Variants in SMAP1 observed in about 807,000 individuals in gnomAD.
SMAP1 encodes small ArfGAP 1.
SMAP1 carries 24 observed loss-of-function variants against 58.5 expected under a neutral mutation model. That is an observed-to-expected ratio of 0.41 (90% CI 0.30 to 0.58). SMAP1 has a LOEUF of 0.58. Ranked by LOEUF, SMAP1 falls within the 20% of genes least tolerant of loss-of-function variation. The probability of loss-of-function intolerance (pLI) is 0.29; values close to 1 mark genes in which losing one functional copy is unlikely to be tolerated. For synonymous variants in SMAP1, 216 were observed against 196.6 expected, an observed-to-expected ratio of 1.10 and a Z score of -0.82; for missense variants, 563 against 566.3, an observed-to-expected ratio of 0.99 and a Z score of 0.06.
chr6:70,737,008 G>A (rs1308443355), intron 2 of SMAP1, among the ~76,000 whole-genome samples: 1 of 152,164 alleles, frequency 6.6e-6, no homozygotes, highest in African/African-American at 2.4e-5. Flanking sequence ...TTCATCATTT[G>A]TCTTTGACCT....
At chr6:70,676,309 C>T (rs1355639784) in intron 1 of SMAP1, among the ~76,000 whole-genome samples, 1 of 152,136 alleles carries the variant, frequency 6.6e-6, no homozygotes, top group Admixed American at 6.6e-5. Context: ...ATATTTTCTT[C>T]CAGTATATTA....
intron 2 of SMAP1, among the ~76,000 whole-genome samples, chr6:70,751,747 GCTAAGTA>G (rs1052123445): frequency 1.3e-5 from 2 of 152,120 alleles, no homozygotes; most frequent in African/African-American, 4.8e-5. Flanking sequence ...TCAAAATGAT[GCTAAGTA>G]CTAAGTATTA....
chr6:70,712,797 CTT>C (rs576020234), intron 1 of SMAP1, among the ~76,000 whole-genome samples: 5 of 123,518 alleles, frequency 4.0e-5, no homozygotes, highest in Non-Finnish European at 8.6e-5. Context: ...TTTTTCTTTT[CTT>C]TTTTTTTTTT....
intron 2 of SMAP1, among the ~76,000 whole-genome samples, chr6:70,744,867 A>G (rs1582100779): frequency 6.6e-6 from 1 of 152,192 alleles, no homozygotes; most frequent in East Asian, 1.9e-4. Flanking sequence ...TTGCCATTCT[A>G]ACTGGTGTGA....
At chr6:70,728,553 T>C in intron 1 of SMAP1, among the ~76,000 whole-genome samples, 1 of 152,192 alleles carries the variant, frequency 6.6e-6, no homozygotes, top group South Asian at 2.1e-4. Flanking sequence ...GTCGATTCCC[T>C]TACTGTAGGT....
At chr6:70,783,367 A>G (rs1375124911) in intron 4 of SMAP1, among the ~76,000 whole-genome samples, 2 of 152,190 alleles carry the variant, frequency 1.3e-5, no homozygotes, top group South Asian at 2.1e-4. Context: ...CAGAGCAGAA[A>G]AACTGGAAAC....
At chr6:70,784,838 C>T (rs1005050349) in intron 4 of SMAP1, among the ~76,000 whole-genome samples, 1 of 152,044 alleles carries the variant, frequency 6.6e-6, no homozygotes, top group African/African-American at 2.4e-5. Context: ...ACTTAGACTC[C>T]CACACAATAA....
chr6:70,847,804 C>G (rs1282877793), intron 7 of SMAP1, among the ~76,000 whole-genome samples: 1 of 152,094 alleles, frequency 6.6e-6, no homozygotes, highest in Non-Finnish European at 1.5e-5. Context: ...TGCATGTCTA[C>G]GGTGAATTCT....
At chr6:70,772,516 G>C (rs574860862) in intron 3 of SMAP1, among the ~76,000 whole-genome samples, 2 of 152,254 alleles carry the variant, frequency 1.3e-5, no homozygotes, top group East Asian at 1.9e-4. Flanking sequence ...CTGAGTACCA[G>C]AGGAGCTCAT....
chr6:70,726,834 C>A (rs1388802006), intron 1 of SMAP1, among the ~76,000 whole-genome samples: 1 of 150,884 alleles, frequency 6.6e-6, no homozygotes, highest in East Asian at 2.0e-4. Context: ...TCATTTTTAT[C>A]TGAAAGTTAG....
At chr6:70,849,182 G>T (rs997354217) in intron 7 of SMAP1, among the ~76,000 whole-genome samples, 3 of 152,014 alleles carry the variant, frequency 2.0e-5, no homozygotes, top group African/African-American at 7.3e-5. Context: ...TTTTTGGGGG[G>T]GTATGAAAAA....
intron 6 of SMAP1, among the ~76,000 whole-genome samples, chr6:70,820,819 T>C (rs1256009482): frequency 6.6e-6 from 1 of 152,254 alleles, no homozygotes; most frequent in Non-Finnish European, 1.5e-5. Context: ...CATTTAATTT[T>C]GCAGAGTGTG....
intron 1 of SMAP1, among the ~76,000 whole-genome samples, chr6:70,690,933 C>T (rs146312630): frequency 6.6e-4 from 100 of 151,038 alleles, no homozygotes; most frequent in African/African-American, 1.6e-3. Context: ...ATTCCTTAAT[C>T]GTTTGGTAGA....
intron 2 of SMAP1, among the ~76,000 whole-genome samples, chr6:70,742,789 G>C (rs1275366547): frequency 6.6e-6 from 1 of 152,190 alleles, no homozygotes; most frequent in African/African-American, 2.4e-5. Flanking sequence ...AGTTTCACAT[G>C]CCTGGGGAGG....
intron 1 of SMAP1, chr6:70,668,407 G>T: frequency 9.6e-7 from 1 of 1,040,946 alleles, no homozygotes; most frequent in Non-Finnish European, 1.3e-6. Flanking sequence ...CAGGTGCCAG[G>T]GTAGCGATGC....
chr6:70,725,477 C>T (rs985641850), intron 1 of SMAP1, among the ~76,000 whole-genome samples: 4 of 151,950 alleles, frequency 2.6e-5, no homozygotes, highest in Non-Finnish European at 5.9e-5. Flanking sequence ...GTATAGCTGA[C>T]CATGAGCAGT....
intron 1 of SMAP1, among the ~76,000 whole-genome samples, chr6:70,688,462 T>C (rs1289984207): frequency 6.6e-6 from 1 of 152,194 alleles, no homozygotes; most frequent in Non-Finnish European, 1.5e-5. Context: ...GCATTTGGTG[T>C]TGTGACTGTT....
intron 6 of SMAP1, among the ~76,000 whole-genome samples, chr6:70,808,494 C>T (rs563597634): frequency 6.6e-6 from 1 of 152,164 alleles, no homozygotes; most frequent in East Asian, 1.9e-4. Context: ...GAAACGGTTG[C>T]CGCGGAAGAA....
intron 1 of SMAP1, among the ~76,000 whole-genome samples, chr6:70,721,402 C>T (rs1768521943): frequency 6.6e-6 from 1 of 152,198 alleles, no homozygotes; most frequent in South Asian, 2.1e-4. Context: ...TCCTCATCTC[C>T]ATCTGAGACC....
Sources: allele counts gnomAD v4.1 joint callset (sites outside exome capture counted in the v4.1 genomes callset), GRCh38; gene constraint gnomAD v4.1.1; transcripts MANE v1.5; gene names NCBI Gene and HGNC (gene_info 2026-07-23, HGNC 2026-07-21).